The following SIK3 variants were observed in gnomAD, a reference collection of about 807,000 sequenced individuals.
The protein encoded by SIK3 is serine/threonine-protein kinase SIK3.
Under a neutral mutation model 144.2 loss-of-function variants are expected in SIK3, and 28 were observed. That is an observed-to-expected ratio of 0.19 (90% CI 0.14 to 0.27). The LOEUF (loss-of-function observed/expected upper bound fraction) is 0.27. SIK3 is among the 10% of genes least tolerant of loss of function. The pLI is 1.00. For synonymous variants in SIK3, 686 were observed against 676.3 expected, an observed-to-expected ratio of 1.01 and a Z score of -0.22; for missense variants, 1,319 against 1,776.0, an observed-to-expected ratio of 0.74 and a Z score of 4.62.
intron 3 of SIK3, among the ~76,000 whole-genome samples, chr11:116,929,729 G>A (rs1312787202): frequency 1.3e-5 from 2 of 152,186 alleles, no homozygotes; most frequent in East Asian, 1.9e-4. Flanking sequence ...GGGAATAAAC[G>A]TGTACTCTGA....
chr11:116,964,814 G>A (rs1451297026), intron 1 of SIK3, among the ~76,000 whole-genome samples: 6 of 152,036 alleles, frequency 3.9e-5, no homozygotes, highest in South Asian at 2.1e-4. Flanking sequence ...CCCAGGAGGC[G>A]GAGGTTGCAG....
At chr11:116,955,968 G>A (rs1017267656) in intron 2 of SIK3, among the ~76,000 whole-genome samples, 2 of 152,152 alleles carry the variant, frequency 1.3e-5, no homozygotes, top group African/African-American at 4.8e-5. Flanking sequence ...AGCCTTGGGT[G>A]TACTTTCTCC....
chr11:117,018,277 C>T (rs1037377191), intron 1 of SIK3, among the ~76,000 whole-genome samples: 2 of 152,174 alleles, frequency 1.3e-5, no homozygotes, highest in Non-Finnish European at 2.9e-5. Context: ...ACAGGTTTCA[C>T]ATCCTGCAGA....
At chr11:116,956,786 C>CT (rs1949155060) in intron 2 of SIK3, among the ~76,000 whole-genome samples, 162 bp downstream of exon 2, 1 of 152,156 alleles carries the variant, frequency 6.6e-6, no homozygotes, top group South Asian at 2.1e-4. Context: ...CTTGAGGATA[C>CT]TAAGTGCTGA....
chr11:116,967,004 A>C lies in SIK3; in HGVS notation c.274-9940T>G, dbSNP rs369511665. Among the ~76,000 whole-genome samples, 60 of 95,772 alleles carry C rather than the reference A, an allele frequency of 6.3e-4. 1 individual carries two copies. Among genetic ancestry groups the C allele is most frequent in the African/African-American group, 7.6e-4 (14 of 18,448 alleles). 62.8% of individuals were successfully genotyped at this position (95,772 alleles called of 152,430 possible). On this transcript the variant is annotated intron_variant, in intron 1 of 24. Coordinates refer to ENST00000445177, the MANE Select transcript of SIK3 (RefSeq NM_001366686.3). ...TGGTGACAGAGCAAGACTCTGTTTC[A>C]AAAAAAAAAAGAAAAAGAAAAAGAA... is the stretch of plus-strand genomic sequence containing the variant.
chr11:116,865,542 C>T (rs765567929), intron 15 of SIK3, among the ~76,000 whole-genome samples: 4 of 152,186 alleles, frequency 2.6e-5, no homozygotes, highest in Non-Finnish European at 5.9e-5. Flanking sequence ...CTATACTCTT[C>T]AAGGAGGGAC....
At chr11:116,860,158 T>C (rs1943237687) in intron 19 of SIK3, among the ~76,000 whole-genome samples, 1 of 151,120 alleles carries the variant, frequency 6.6e-6, no homozygotes, top group South Asian at 2.1e-4. Flanking sequence ...GGCAGGAGAA[T>C]CATTTGAACC....
intron 1 of SIK3, among the ~76,000 whole-genome samples, chr11:117,089,460 A>C (rs950121733): frequency 1.3e-5 from 2 of 151,830 alleles, no homozygotes; most frequent in African/African-American, 4.8e-5. Context: ...TGGGGTGGCA[A>C]GAAGACTTCA....
intron 1 of SIK3, among the ~76,000 whole-genome samples, chr11:117,003,704 G>A (rs1950941693): frequency 6.6e-6 from 1 of 152,114 alleles, no homozygotes; most frequent in Non-Finnish European, 1.5e-5. Context: ...ATACGTTGTT[G>A]TTATGGTATT....
chr11:117,013,931 T>TTTTA, intron 1 of SIK3, among the ~76,000 whole-genome samples: 1 of 92,144 alleles, frequency 1.1e-5, no homozygotes, highest in Admixed American at 1.4e-4. Flanking sequence ...TGTGTGTGTG[T>TTTTA]GTGTGTGTGT....
chr11:116,856,264 T>C (rs1458322128), intron 21 of SIK3, among the ~76,000 whole-genome samples: 1 of 151,746 alleles, frequency 6.6e-6, no homozygotes, highest in African/African-American at 2.4e-5. Context: ...GCTAATCTGC[T>C]GGAAGCTTCC....
chr11:116,900,579 T>C lies in SIK3; in HGVS notation c.617-3262A>G, dbSNP rs140924836. Among the ~76,000 whole-genome samples, 3 of 152,328 alleles carry C rather than the reference T, an allele frequency of 2.0e-5. No homozygotes were observed. In the East Asian group the frequency reaches 5.8e-4, roughly 29 times the overall value. On this transcript the variant is annotated intron_variant, in intron 4 of 24. Transcript: ENST00000445177. ...ACCCAGCTCCATCCTATGTTTCCAATTTATCCCTGGCCATGCTAGCATCAC... is the reference window on the plus strand; with the variant it reads ...ACCCAGCTCCATCCTATGTTTCCAACTTATCCCTGGCCATGCTAGCATCAC...
chr11:116,848,052 T>A (rs1022553810), intron 22 of SIK3, among the ~76,000 whole-genome samples: 1 of 152,282 alleles, frequency 6.6e-6, no homozygotes, highest in Admixed American at 6.5e-5. Flanking sequence ...CGGTGGCTCA[T>A]GCCTGTAATC....
At chr11:116,947,766 CGT>C (rs1171567063) in intron 3 of SIK3, among the ~76,000 whole-genome samples, 2 of 151,582 alleles carry the variant, frequency 1.3e-5, no homozygotes, top group African/African-American at 4.8e-5. Context: ...GGGGTTTCAC[CGT>C]GTTAGCCAGG....
chr11:116,875,881 T>C lies in SIK3; in HGVS notation c.1224A>G (p.Ala408=), dbSNP rs774942851. Residue 408 remains alanine (A), a synonymous_variant, in exon 9 of 25, where the codon GCA becomes GCG. Transcript: ENST00000445177. ...TATTGCCCACCTGGATATTGACTGG[T>C]GCTTGAAAGGCCAGGGCTCGGGGCA... The part of the protein sequence containing the change: ...PSMPRALAFQ[A]PVNIQAEQAG... 1.2e-6 allele frequency: 2 copies of C among 1,605,554 alleles called. No homozygotes were observed. Among genetic ancestry groups the C allele is most frequent in the Non-Finnish European group, 1.7e-6 (2 of 1,177,910 alleles).
chr11:117,054,980 A>G (rs1282843106), intron 1 of SIK3, among the ~76,000 whole-genome samples: 1 of 152,236 alleles, frequency 6.6e-6, no homozygotes, highest in Non-Finnish European at 1.5e-5. Flanking sequence ...ATATTAGTAT[A>G]TACCAGCACT....
intron 1 of SIK3, among the ~76,000 whole-genome samples, chr11:117,051,474 C>A (rs563251062): frequency 1.3e-5 from 2 of 152,154 alleles, no homozygotes; most frequent in South Asian, 4.2e-4. Flanking sequence ...TAAACCTCTT[C>A]TATATCTATA....
At chr11:116,924,309 G>GA (rs1947160611) in intron 4 of SIK3, among the ~76,000 whole-genome samples, 4 of 147,988 alleles carry the variant, frequency 2.7e-5, no homozygotes, top group South Asian at 4.3e-4. Context: ...AAAAAAAAAA[G>GA]AAAAAAAAGA....
Position 116,875,401 on chromosome 11 carries a change from C to G in SIK3, c.1290G>C (p.Leu430=), listed in dbSNP as rs764496219. ...AMNISVPQVQ[L]INPENQIVEP... is the part of the protein sequence containing the mutation. ...CCACAATTTGGTTCTCTGGGTTGAT[C>G]AGCTGCACCTGGGGAACGCTGATGT... The change falls in exon 10 of 25, where the codon CTG becomes CTC. Residue 430 remains leucine, a synonymous_variant. Transcript: ENST00000445177. The G allele has an allele frequency of 1.9e-6, 3 of 1,614,204 alleles. No homozygotes were observed. The highest frequency in any genetic ancestry group is 2.5e-6 in the Non-Finnish European group (3 of 1,180,042).
Sources: allele counts gnomAD v4.1 joint callset (sites outside exome capture counted in the v4.1 genomes callset), GRCh38; gene constraint gnomAD v4.1.1; transcripts MANE v1.5; gene names NCBI Gene and HGNC (gene_info 2026-07-23, HGNC 2026-07-21).